Variants in DNAI1 observed in about 807,000 individuals in gnomAD.
DNAI1 encodes dynein axonemal intermediate chain 1.
Under a neutral mutation model 92.0 loss-of-function variants are expected in DNAI1, and 67 were observed. The observed-to-expected ratio is 0.73, with a 90% confidence interval of 0.60 to 0.89. DNAI1 has a LOEUF of 0.89. Ranked by LOEUF, DNAI1 falls within the 40% of genes least tolerant of loss-of-function variation. DNAI1 has a pLI of 0.00. For missense variants in DNAI1, 839 were observed against 866.6 expected (o/e 0.97, Z 0.40); for synonymous variants, 323 against 319.6 (o/e 1.01, Z -0.11).
intron 1 of DNAI1, among the ~76,000 whole-genome samples, chr9:34,481,768 T>G (rs1313509404): frequency 6.6e-6 from 1 of 152,136 alleles, no homozygotes; most frequent in Non-Finnish European, 1.5e-5. Context: ...GTGGTCTTGC[T>G]GGGCTCAGGA....
intron 9 of DNAI1, among the ~76,000 whole-genome samples, chr9:34,494,944 G>T (rs1488110921): frequency 1.3e-5 from 2 of 152,176 alleles, no homozygotes; most frequent in African/African-American, 4.8e-5. Context: ...CATTGCCCAG[G>T]CCCAGTGGTT....
At chr9:34,471,756 TGA>T (rs1480445547) in intron 1 of DNAI1, among the ~76,000 whole-genome samples, 1 of 151,612 alleles carries the variant, frequency 6.6e-6, no homozygotes, top group Non-Finnish European at 1.5e-5. Flanking sequence ...GGCTACAGTG[TGA>T]GACTCCATTA....
At chr9:34,502,002 C>G (rs1380698884) in intron 12 of DNAI1, among the ~76,000 whole-genome samples, 1 of 152,236 alleles carries the variant, frequency 6.6e-6, no homozygotes, top group Non-Finnish European at 1.5e-5. Context: ...TCACAGTAGT[C>G]TCGCTCCCCA....
chr9:34,491,623 A>G (rs1445295234), intron 8 of DNAI1, 69 bp downstream of exon 8: 3 of 1,563,008 alleles, frequency 1.9e-6, no homozygotes, highest in Non-Finnish European at 2.6e-6. Context: ...ATTTAGCAGC[A>G]AAGGCAACAC....
chr9:34,461,714 A>G (rs1420796306), intron 1 of DNAI1, among the ~76,000 whole-genome samples: 1 of 152,154 alleles, frequency 6.6e-6, no homozygotes, highest in Admixed American at 6.5e-5. Flanking sequence ...TTCAGAGTAA[A>G]TATTGGCGTG....
At chr9:34,486,851 G>A (rs943399407) in intron 4 of DNAI1, among the ~76,000 whole-genome samples, 6 of 152,080 alleles carry the variant, frequency 3.9e-5, no homozygotes, top group East Asian at 1.9e-4. Flanking sequence ...TATTCTGGAC[G>A]TTTCATATAA....
intron 1 of DNAI1, among the ~76,000 whole-genome samples, chr9:34,474,246 T>C (rs1371494906): frequency 6.6e-6 from 1 of 152,056 alleles, no homozygotes; most frequent in Non-Finnish European, 1.5e-5. Context: ...TTTTCTTTTC[T>C]TTTTTTGAGA....
intron 1 of DNAI1, among the ~76,000 whole-genome samples, chr9:34,463,268 G>T (rs1823982033): frequency 6.6e-6 from 1 of 152,194 alleles, no homozygotes; most frequent in African/African-American, 2.4e-5. Flanking sequence ...CAGCAAGGAA[G>T]GGAGTGGGGA....
In DNAI1 at chr9:34,506,857, T is replaced by C. The variant is rs1824944155; in HGVS notation, c.1294T>C (p.Ser432Pro). ...FCSSAKSGKH[S>P]DPVWQVKWQK... ...CAGCTCAGCCAAGTCTGGCAAGCAC[T>C]CAGACCCTGTGTGGCAGGTCAGCAA... The change falls in exon 13 of 20, where the codon TCA becomes CCA. Residue 432 changes from serine (S) to proline (P), a missense_variant. Physicochemically the swap from Ser to Pro is moderately conservative, Grantham distance 74 (BLOSUM62 -1). Transcript: ENST00000242317. 1.9e-6 allele frequency: 3 copies of C among 1,614,002 alleles called. No homozygotes were observed. Among genetic ancestry groups the C allele is most frequent in the Non-Finnish European group, 1.7e-6 (2 of 1,179,990 alleles).
chr9:34,512,489 G>T, intron 15 of DNAI1, 65 bp downstream of exon 15: 1 of 1,486,180 alleles, frequency 6.7e-7, no homozygotes, highest in Non-Finnish European at 9.3e-7. Flanking sequence ...GAGGGTCAGT[G>T]ACAGTGGTCC....
intron 13 of DNAI1, among the ~76,000 whole-genome samples, chr9:34,508,450 G>C (rs558334089): frequency 1.3e-5 from 2 of 152,172 alleles, no homozygotes; most frequent in Non-Finnish European, 2.9e-5. Context: ...CCACCAAAAA[G>C]TCCACCTCCC....
chr9:34,471,232 G>C (rs1289419357), intron 1 of DNAI1, among the ~76,000 whole-genome samples: 1 of 150,558 alleles, frequency 6.6e-6, no homozygotes, highest in Non-Finnish European at 1.5e-5. Context: ...TTCGAGACCA[G>C]ACTAGGCAAC....
intron 8 of DNAI1, among the ~76,000 whole-genome samples, chr9:34,492,622 C>T (rs951765931): frequency 2.7e-5 from 4 of 149,754 alleles, no homozygotes; most frequent in South Asian, 2.1e-4. Flanking sequence ...TGGGCTCAAG[C>T]GATCCTCCCA....
rs772434404 is a variant in DNAI1 at position 34,491,565 on chromosome 9, G to A, written c.681+11G>A. 1.2e-6 allele frequency: 2 copies of A among 1,614,092 alleles called. No individual in the cohort carries two copies. The highest frequency in any genetic ancestry group is 1.7e-6 in the Non-Finnish European group (2 of 1,179,998). ...GCCACAGCCAATCAGGTAAGACCCT[G>A]GGCCAGCCTGAAACCTCTTACCACC... is the stretch of plus-strand genomic sequence containing the variant. On this transcript the variant is annotated intron_variant, in intron 8 of 19. Transcript: ENST00000242317.
rs3793473 is a variant in DNAI1, at chr9:34,489,830, G to A, written c.389-182G>A. Among the ~76,000 whole-genome samples, 27,296 of 151,716 alleles carry A rather than the reference G, an allele frequency of 0.18. 2,661 individuals carry two copies. Among genetic ancestry groups the A allele is most frequent in the East Asian group, 0.33 (1,723 of 5,156 alleles). On this transcript the variant is annotated intron_variant, in intron 5 of 19. Transcript: ENST00000242317. Reference sequence around the variant, plus strand: ...TGCCACCACTGCATTCCAGCCTGGCGACACAGTGAGACTCTGTCTCAAAAA... The same window carrying A: ...TGCCACCACTGCATTCCAGCCTGGCAACACAGTGAGACTCTGTCTCAAAAA...
At chr9:34,472,900 A>T (rs1266307831) in intron 1 of DNAI1, among the ~76,000 whole-genome samples, 2 of 127,626 alleles carry the variant, frequency 1.6e-5, no homozygotes, top group Admixed American at 7.9e-5. Context: ...GACCCTGACT[A>T]AAAAAAAAAA....
rs11999454 is a variant in DNAI1, at chr9:34,512,395, T to G, written c.1460T>G (p.Val487Gly). The G allele has an allele frequency of 0.013, 20,452 of 1,614,028 alleles. 846 individuals carry two copies. Among genetic ancestry groups the G allele is most frequent in the East Asian group, 0.11 (5,114 of 44,870 alleles). The change falls in exon 15 of 20, where the codon GTT (valine) becomes GGT (glycine). Residue 487 changes from valine (V) to glycine (G), a missense_variant. By Grantham distance (109) the Val-to-Gly change is moderately radical (BLOSUM62 -3). Coordinates refer to ENST00000242317, the MANE Select transcript of DNAI1 (RefSeq NM_012144.4). ...AAGGTGGAAGGCAGCACCACGGAAG[T>G]TCCTGAGGGGTTGCAGCTGCACCCA... ...KLKVEGSTTE[V>G]PEGLQLHPVG...
In DNAI1 at chr9:34,506,634, C is replaced by T; in HGVS notation, c.1071C>T (p.Phe357=). The T allele has an allele frequency of 6.2e-7, 1 of 1,614,172 alleles. No homozygotes were observed. Among genetic ancestry groups the T allele is most frequent in the Admixed American group, 1.7e-5 (1 of 60,024 alleles). Residue 357 remains phenylalanine, a synonymous_variant, in exon 13 of 20, where the codon TTC becomes TTT. Coordinates refer to ENST00000242317, the MANE Select transcript of DNAI1 (RefSeq NM_012144.4). ...LFAVGYGSYD[F]MKQSRGMLLL... Reference sequence around the variant, plus strand: ...CCCATCTTCCCTGGGTAGATGACTTCATGAAGCAGAGCCGGGGCATGCTGC... The same window carrying T: ...CCCATCTTCCCTGGGTAGATGACTTTATGAAGCAGAGCCGGGGCATGCTGC...
intron 5 of DNAI1, among the ~76,000 whole-genome samples, 182 bp downstream of exon 5, chr9:34,489,631 T>C (rs75781396): frequency 6.6e-6 from 1 of 152,028 alleles, no homozygotes; most frequent in Non-Finnish European, 1.5e-5. Context: ...GGGCGGATCA[T>C]GAGGTCAGGA....
Sources: allele counts gnomAD v4.1 joint callset (sites outside exome capture counted in the v4.1 genomes callset), GRCh38; gene constraint gnomAD v4.1.1; transcripts MANE v1.5; gene names NCBI Gene and HGNC (gene_info 2026-07-23, HGNC 2026-07-21).